Variants in AK5 observed in about 807,000 individuals in gnomAD.
The protein encoded by AK5 is adenylate kinase isoenzyme 5.
Under a neutral mutation model 69.5 loss-of-function variants are expected in AK5, and 27 were observed. That is an observed-to-expected ratio of 0.39 (90% confidence interval 0.29 to 0.54). AK5 has a LOEUF of 0.54. Ranked by LOEUF, AK5 falls within the 20% of genes least tolerant of loss-of-function variation. AK5 has a pLI of 0.71. For synonymous variants in AK5, 260 were observed against 244.4 expected (o/e 1.06, Z -0.60); for missense variants, 531 against 700.4 (o/e 0.76, Z 2.73).
intron 12 of AK5, among the ~76,000 whole-genome samples, chr1:77,522,184 T>C (rs986431353): frequency 6.6e-6 from 1 of 151,198 alleles, no homozygotes; most frequent in Non-Finnish European, 1.5e-5. Context: ...ATTGTCTGAC[T>C]CTCTCTCTCT....
chr1:77,518,695 G>A lies in AK5; in HGVS notation c.1279G>A (p.Asp427Asn). 1 of 1,614,208 alleles carries A rather than the reference G, an allele frequency of 6.2e-7. No individual in the cohort carries two copies. The highest frequency in any genetic ancestry group is 8.5e-7 in the Non-Finnish European group (1 of 1,180,034). ...ATCTGAAAGAAGCAAATTGATCAGA[G>A]ACATTATGGAACGTGGAGACCTGGT... Reference protein sequence around the residue: ...SESERSKLIRDIMERGDLVPS... With the variant: ...SESERSKLIRNIMERGDLVPS... The change falls in exon 11 of 14, where the codon GAC becomes AAC. Residue 427 changes from aspartate (D) to asparagine (N), a missense_variant. Asp to Asn is a conservative substitution (Grantham distance 23). Coordinates refer to ENST00000354567, the MANE Select transcript of AK5 (RefSeq NM_174858.3).
chr1:77,515,129 A>G (rs1292431735), intron 10 of AK5, among the ~76,000 whole-genome samples: 1 of 152,122 alleles, frequency 6.6e-6, no homozygotes, highest in Non-Finnish European at 1.5e-5. Context: ...TATTTTGGGG[A>G]GCCTCCATAA....
At chr1:77,505,592 CATG>C (rs937797762) in intron 10 of AK5, among the ~76,000 whole-genome samples, 6 of 152,246 alleles carry the variant, frequency 3.9e-5, no homozygotes, top group Non-Finnish European at 7.4e-5. Flanking sequence ...AGAGGGCCGA[CATG>C]GTGGTGCACA....
chr1:77,340,264 A>G lies in AK5; in HGVS notation c.700-113A>G, dbSNP rs183376005. ...CCTGGAAATACACTGTCAAAAACAT[A>G]GAGGGCCAAATATATGGCAGCCTCC... On this transcript the variant is annotated intron_variant, in intron 5 of 13. Transcript: ENST00000354567. 4.7e-6 allele frequency: 5 copies of G among 1,057,956 alleles called. No individual in the cohort carries two copies. The East Asian group carries it at 1.2e-4, about 25-fold the overall frequency. The allele number at this position is 1,057,956 out of a possible 1,614,324, so 65.5% of individuals were successfully genotyped here.
intron 10 of AK5, among the ~76,000 whole-genome samples, chr1:77,489,192 G>C (rs1655818587): frequency 6.6e-6 from 1 of 152,140 alleles, no homozygotes; most frequent in African/African-American, 2.4e-5. Context: ...AAGATCTTTG[G>C]AATTAGACAA....
intron 6 of AK5, among the ~76,000 whole-genome samples, chr1:77,374,586 G>A (rs1338876638): frequency 6.6e-6 from 1 of 152,062 alleles, no homozygotes; most frequent in East Asian, 1.9e-4. Flanking sequence ...CATTGAGGCT[G>A]AGGTGGAAAG....
chr1:77,311,730 C>T (rs1330299244), intron 5 of AK5, among the ~76,000 whole-genome samples: 1 of 152,118 alleles, frequency 6.6e-6, no homozygotes, highest in Non-Finnish European at 1.5e-5. Context: ...GGCAGAAGAA[C>T]CAGGTTCCTT....
At chr1:77,415,556 A>G (rs757040868) in intron 7 of AK5, among the ~76,000 whole-genome samples, 2 of 152,216 alleles carry the variant, frequency 1.3e-5, no homozygotes, top group African/African-American at 2.4e-5. Flanking sequence ...TGATGCTTTC[A>G]ATAGCAGCCA....
rs570345252 is a variant in AK5, at chr1:77,486,657, C to G, written c.1147+305C>G. Among the ~76,000 whole-genome samples, 13 of 150,866 alleles carry G rather than the reference C, an allele frequency of 8.6e-5. No individual in the cohort carries two copies. The South Asian group carries it at 2.7e-3, about 32-fold the overall frequency. On this transcript the variant is annotated intron_variant, in intron 10 of 13. Coordinates refer to ENST00000354567, the MANE Select transcript of AK5 (RefSeq NM_174858.3). ...AGCTTGCAGTGAGCCGAGATCGCGC[C>G]ACTGCACTCCACCTGGGTGACAGAG...
At chr1:77,432,925 C>T (rs2803149) in intron 8 of AK5, among the ~76,000 whole-genome samples, 4,450 of 152,234 alleles carry the variant, frequency 0.029, 206 homozygotes, top group African/African-American at 0.1. Context: ...TCTTGGGAAA[C>T]GCTGCCTATA....
intron 8 of AK5, among the ~76,000 whole-genome samples, chr1:77,479,985 T>G (rs536588598): frequency 6.6e-6 from 1 of 152,350 alleles, no homozygotes; most frequent in South Asian, 2.1e-4. Context: ...TGGTTCCTTG[T>G]CCAAGTGACA....
chr1:77,536,605 C>T (rs1176348266), intron 13 of AK5, among the ~76,000 whole-genome samples: 14 of 152,116 alleles, frequency 9.2e-5, no homozygotes. Flanking sequence ...GAAAACAACT[C>T]CTTTTTCCCA....
rs761942488 is a variant in AK5, at chr1:77,377,610, G to T, written c.892-33371G>T. Among the ~76,000 whole-genome samples the T allele has an allele frequency of 2.0e-5, 3 of 152,152 alleles. No individual in the cohort carries two copies. In the East Asian group the frequency reaches 5.8e-4, roughly 29 times the overall value. ...CTTCATGGGCAATGTGTATGATCAT[G>T]TCACTCAACTGCTTAAAATCCTTTA... On this transcript the variant is annotated intron_variant, in intron 6 of 13. Coordinates refer to ENST00000354567, the MANE Select transcript of AK5 (RefSeq NM_174858.3).
At chr1:77,427,298 C>T (rs929592243) in intron 8 of AK5, among the ~76,000 whole-genome samples, 5 of 151,962 alleles carry the variant, frequency 3.3e-5, no homozygotes, top group African/African-American at 4.8e-5. Context: ...AAATTATTAT[C>T]AGAAATAGAA....
At chr1:77,367,569 A>ATATATATATATATATTATATATGT (rs1553139695) in intron 6 of AK5, among the ~76,000 whole-genome samples, 12 of 31,638 alleles carry the variant, frequency 3.8e-4, no homozygotes, top group Admixed American at 5.5e-4. Context: ...ATATATATAT[A>ATATATATATATATATTATATATGT]TATATATATA....
intron 6 of AK5, among the ~76,000 whole-genome samples, chr1:77,399,595 C>T (rs1313664964): frequency 6.6e-6 from 1 of 152,104 alleles, no homozygotes; most frequent in East Asian, 1.9e-4. Flanking sequence ...GGCTGGAACT[C>T]TGGGACAGAA....
In AK5 at chr1:77,518,834, ATAGCTGTATAT is replaced by A. The variant is rs1033370578; in HGVS notation, c.1311+110_1311+120del. 86 of 1,106,902 alleles carry A rather than the reference ATAGCTGTATAT, an allele frequency of 7.8e-5. No individual in the cohort carries two copies. The South Asian group carries it at 1.3e-3, about 17-fold the overall frequency. The allele number at this position is 1,106,902 out of a possible 1,614,324, so 68.6% of individuals were successfully genotyped here. Reference sequence around the variant, plus strand: ...TGGAACTAAGAAACCCAAAGAAACAATAGCTGTATATTATTTCCCTCCTTTGCAGCAATCCA... The same window carrying A: ...TGGAACTAAGAAACCCAAAGAAACAATATTTCCCTCCTTTGCAGCAATCCA... On this transcript the variant is annotated intron_variant, in intron 11 of 13. Coordinates refer to ENST00000354567, the MANE Select transcript of AK5 (RefSeq NM_174858.3).
intron 1 of AK5, 91 bp downstream of exon 1, chr1:77,282,464 C>G: frequency 1.4e-6 from 2 of 1,461,824 alleles, no homozygotes; most frequent in Non-Finnish European, 9.1e-7. Flanking sequence ...CCCACCTTCC[C>G]CACACGGGGC....
In AK5 at chr1:77,477,004, G is replaced by GTGTGTA. The variant is rs1491419873; in HGVS notation, c.1060-6308_1060-6307insATGTGT. Reference sequence around the variant, plus strand: ...GATCTATTTTTGATTGTTCTTTTTAGTGTGTGTGTGTGTGTGTGTGTGTGT... The same window carrying GTGTGTA: ...GATCTATTTTTGATTGTTCTTTTTAGTGTGTATGTGTGTGTGTGTGTGTGTGTGTGT... On this transcript the variant is annotated intron_variant, in intron 8 of 13. Coordinates refer to ENST00000354567, the MANE Select transcript of AK5 (RefSeq NM_174858.3). Among the ~76,000 whole-genome samples the GTGTGTA allele has an allele frequency of 2.9e-3, 4 of 1,400 alleles. No homozygotes were observed. The Non-Finnish European group carries it at 0.03, about 11-fold the overall frequency. The allele number at this position is 1,400 out of a possible 152,430, so 0.9% of individuals were successfully genotyped here.
Sources: allele counts gnomAD v4.1 joint callset (sites outside exome capture counted in the v4.1 genomes callset), GRCh38; gene constraint gnomAD v4.1.1; transcripts MANE v1.5; gene names NCBI Gene and HGNC (gene_info 2026-07-23, HGNC 2026-07-21).